PPP1R12A: variants seen among roughly 807,000 people sequenced by gnomAD.
PPP1R12A encodes the protein myosin binding subunit.
Under a neutral mutation model 139.6 loss-of-function variants are expected in PPP1R12A, and 19 were observed. The ratio of observed to expected loss-of-function variants is 0.14; its 90% CI spans 0.09 to 0.20. The LOEUF (loss-of-function observed/expected upper bound fraction) is 0.20, where lower values mean the gene tolerates loss of function less well. Among genes scored for constraint, PPP1R12A ranks in the 10% least tolerant of loss-of-function variants. PPP1R12A has a pLI of 1.00. For missense variants in PPP1R12A, 925 were observed against 1,211.5 expected, an observed-to-expected ratio of 0.76 and a Z score of 3.51; for synonymous variants, 427 against 420.6, an observed-to-expected ratio of 1.02 and a Z score of -0.19.
At chr12:79,857,131 A>G (rs189947578) in intron 2 of PPP1R12A, among the ~76,000 whole-genome samples, 2 of 152,182 alleles carry the variant, frequency 1.3e-5, no homozygotes, top group African/African-American at 4.8e-5. Flanking sequence ...ACACATGCAC[A>G]CGTATGTTTA....
At chr12:79,856,125 A>G (rs1234760687) in intron 2 of PPP1R12A, among the ~76,000 whole-genome samples, 2 of 152,068 alleles carry the variant, frequency 1.3e-5, no homozygotes, top group African/African-American at 2.4e-5. Context: ...AACCTCTCTA[A>G]TTTGTCAAGA....
At chr12:79,891,762 G>A (rs975537301) in intron 1 of PPP1R12A, among the ~76,000 whole-genome samples, 4 of 152,102 alleles carry the variant, frequency 2.6e-5, no homozygotes, top group African/African-American at 9.7e-5. Flanking sequence ...GCTCTCTCCT[G>A]GATCACTCAC....
At position 79,903,890 on chromosome 12, in the gene PPP1R12A, T is replaced by C. The variant is rs114150775; in HGVS notation, c.237+30805A>G. Among the ~76,000 whole-genome samples, 823 of 152,306 alleles carry C rather than the reference T, an allele frequency of 5.4e-3. 5 individuals are homozygous for C. Among genetic ancestry groups the C allele is most frequent in the African/African-American group, 0.019 (782 of 41,566 alleles). ...CATTTTTCCCCCTACTCAGTAACTC[T>C]ACCTCTCCCTCCCAACACATTAGAT... On this transcript the variant is annotated intron_variant, in intron 1 of 24. Transcript: ENST00000450142.
intron 1 of PPP1R12A, among the ~76,000 whole-genome samples, chr12:79,895,906 G>A (rs910811000): frequency 6.6e-6 from 1 of 152,170 alleles, no homozygotes; most frequent in African/African-American, 2.4e-5. Flanking sequence ...TTTTGTAGGA[G>A]CTCAGAGATT....
At chr12:79,795,862 G>A (rs531401901) in intron 17 of PPP1R12A, 103 bp from the exon 18 acceptor site, 1 of 1,113,490 alleles carries the variant, frequency 9.0e-7, no homozygotes, top group South Asian at 1.7e-5. Context: ...GGACTATCTA[G>A]GGGGATGGAA....
At chr12:79,901,061 C>T (rs937391799) in intron 1 of PPP1R12A, among the ~76,000 whole-genome samples, 5 of 152,078 alleles carry the variant, frequency 3.3e-5, no homozygotes, top group Admixed American at 2.6e-4. Flanking sequence ...GTGGAAGGAA[C>T]AGTTAAGTAA....
chr12:79,811,363 G>C (rs1189068305), intron 9 of PPP1R12A, among the ~76,000 whole-genome samples: 1 of 152,160 alleles, frequency 6.6e-6, no homozygotes, highest in Non-Finnish European at 1.5e-5. Context: ...GCTCCAGAGT[G>C]TCACAACAAA....
At chr12:79,779,534 A>G (rs1456148758) in intron 23 of PPP1R12A, 1 of 401,604 alleles carries the variant, frequency 2.5e-6, no homozygotes, top group Non-Finnish European at 4.8e-6. Context: ...TCTTTTAAGT[A>G]CCATGTTATT....
chr12:79,805,732 C>T lies in PPP1R12A; in HGVS notation c.1860G>A (p.Glu620=). 1 of 1,613,268 alleles carries T rather than the reference C, an allele frequency of 6.2e-7. No individual in the cohort carries two copies. Among genetic ancestry groups the T allele is most frequent in the Non-Finnish European group, 8.5e-7 (1 of 1,179,502 alleles). Residue 620 remains glutamate, a synonymous_variant, in exon 14 of 25, where the codon GAG becomes GAA. Transcript: ENST00000450142. The stretch of plus-strand genomic sequence containing the variant: ...CCGTAGGAACACTGTCCTTTTCTTT[C>T]TCAGTACTATCCTCAGCCCACAAAC... The part of the protein sequence containing the change: ...SNRLWAEDST[E]KEKDSVPTAV...
At chr12:79,918,173 AT>A (rs1272544175) in intron 1 of PPP1R12A, among the ~76,000 whole-genome samples, 6 of 151,702 alleles carry the variant, frequency 4.0e-5, no homozygotes, top group African/African-American at 1.5e-4. Context: ...AAAAAAAAAC[AT>A]AATCACGAAT....
chr12:79,781,874 T>A lies in PPP1R12A; in HGVS notation c.2908-12A>T. On this transcript the variant is annotated splice_polypyrimidine_tract_variant and intron_variant, in intron 22 of 24. Coordinates refer to ENST00000450142, the MANE Select transcript of PPP1R12A (RefSeq NM_002480.3). ...AATCTTTCTTGTCTCTGCAACAAAG[T>A]AAGAAATTATAAAAGAGATAAGTGC... is the stretch of plus-strand genomic sequence containing the variant. The A allele has an allele frequency of 6.6e-7, 1 of 1,521,466 alleles. No individual in the cohort carries two copies. The highest frequency in any genetic ancestry group is 8.9e-7 in the Non-Finnish European group (1 of 1,126,688). The allele number at this position is 1,521,466 out of a possible 1,614,324, so 94.2% of individuals were successfully genotyped here. A position where few individuals can be genotyped will look rare whatever the true frequency, so the allele number is the denominator to read the frequency against.
At chr12:79,780,220 A>G (rs1005171374) in intron 23 of PPP1R12A, 2 of 149,034 alleles carry the variant, frequency 1.3e-5, no homozygotes, top group Non-Finnish European at 2.9e-5. Flanking sequence ...AAAACAGACA[A>G]ACAAACAAAA....
chr12:79,801,424 TG>T (rs1470724382), intron 14 of PPP1R12A, among the ~76,000 whole-genome samples: 1 of 149,340 alleles, frequency 6.7e-6, no homozygotes, highest in African/African-American at 2.5e-5. Flanking sequence ...CTTCTCAATT[TG>T]TAATTCATTT....
intron 1 of PPP1R12A, among the ~76,000 whole-genome samples, chr12:79,887,503 A>G (rs1312123778): frequency 1.3e-5 from 2 of 152,204 alleles, no homozygotes; most frequent in Non-Finnish European, 2.9e-5. Context: ...ATAGCGAAAT[A>G]AAGGAAAACT....
At chr12:79,817,005 A>G (rs1279620421) in intron 9 of PPP1R12A, among the ~76,000 whole-genome samples, 1 of 152,154 alleles carries the variant, frequency 6.6e-6, no homozygotes, top group Non-Finnish European at 1.5e-5. Context: ...TGAAATTATC[A>G]ACATGCACAC....
At position 79,926,285 on chromosome 12, in the gene PPP1R12A, A is replaced by G. The variant is rs1443671996; in HGVS notation, c.237+8410T>C. On this transcript the variant is annotated intron_variant, in intron 1 of 24. Coordinates refer to ENST00000450142, the MANE Select transcript of PPP1R12A (RefSeq NM_002480.3). The stretch of plus-strand genomic sequence containing the variant: ...ACTCCAACCTCTGCCTCTTGGGTTC[A>G]GGCGATTCTCGTGCCTCAGCCTCCT... 2.0e-5 allele frequency among the ~76,000 whole-genome samples: 3 copies of G among 152,214 alleles called. No homozygotes were observed. In the East Asian group the frequency reaches 5.8e-4, roughly 29 times the overall value.
In PPP1R12A at chr12:79,847,467, A is replaced by G. The variant is rs534566017; in HGVS notation, c.369-2047T>C. Among the ~76,000 whole-genome samples, 6 of 152,302 alleles carry G rather than the reference A, an allele frequency of 3.9e-5. No homozygotes were observed. The South Asian group carries it at 6.2e-4, about 16-fold the overall frequency. On this transcript the variant is annotated intron_variant, in intron 2 of 24. Transcript: ENST00000450142. Reference sequence around the variant, plus strand: ...CACATGAGACTGAAAATATTTAGATATATTTACTGGCATTTGTATTTCTCC... The same window carrying G: ...CACATGAGACTGAAAATATTTAGATGTATTTACTGGCATTTGTATTTCTCC...
rs751969008 is a variant in PPP1R12A, at chr12:79,786,455, T to C, written c.2826A>G (p.Glu942=). ...GTAGCTGTGCCTTCAGCTTTTCATT[T>C]TCAGCTAGAATTTGTTCATAAAGCT... The part of the protein sequence containing the change: ...FKKLYEQILA[E]NEKLKAQLHD... The change falls in exon 22 of 25, where the codon GAA becomes GAG. Residue 942 remains glutamate (E), a synonymous_variant. Coordinates refer to ENST00000450142, the MANE Select transcript of PPP1R12A (RefSeq NM_002480.3). The C allele has an allele frequency of 1.3e-6, 2 of 1,556,184 alleles. No individual in the cohort carries two copies. Among genetic ancestry groups the C allele is most frequent in the South Asian group, 2.4e-5 (2 of 82,740 alleles).
At chr12:79,912,131 T>C (rs1400393073) in intron 1 of PPP1R12A, among the ~76,000 whole-genome samples, 1 of 152,172 alleles carries the variant, frequency 6.6e-6, no homozygotes, top group Non-Finnish European at 1.5e-5. Flanking sequence ...ACCAAGAATC[T>C]ATCTCTCCAC....
Sources: gnomAD v4.1 joint callset for allele counts (sites outside exome capture counted in the v4.1 genomes callset) on GRCh38, gnomAD v4.1.1 for gene constraint, MANE v1.5 for transcripts, NCBI Gene and HGNC (gene_info 2026-07-23, HGNC 2026-07-21) for gene names.